CEP162: variants seen among roughly 807,000 people sequenced by gnomAD.
The protein encoded by CEP162 is centrosomal protein of 162 kDa.
Under a neutral mutation model 169.2 loss-of-function variants are expected in CEP162, and 141 were observed. The observed-to-expected ratio is 0.83, with a 90% CI of 0.73 to 0.96. CEP162 has a LOEUF of 0.96. Among genes scored for constraint, CEP162 ranks in the 40% least tolerant of loss-of-function variants. The probability of loss-of-function intolerance (pLI) is 0.00; values close to 1 mark genes in which losing one functional copy is unlikely to be tolerated. For missense variants in CEP162, 1,600 were observed against 1,587.2 expected (o/e 1.01, Z -0.14); for synonymous variants, 540 against 526.4 (o/e 1.03, Z -0.35).
At chr6:84,221,986 T>C (rs547615202) in intron 2 of CEP162, among the ~76,000 whole-genome samples, 1 of 151,306 alleles carries the variant, frequency 6.6e-6, no homozygotes, top group South Asian at 2.1e-4. Context: ...CAGCACTGCA[T>C]CTCCAGTGCC....
At position 84,125,225 on chromosome 6, in the gene CEP162, C is replaced by T. The variant is rs775673818; in HGVS notation, c.4057G>A (p.Glu1353Lys). ...AACTGTGCCAGTCTTTTCCATTTTT[C>T]AACTTCTTTGTTTTGCTCAGTTTCT... ...VVETEQNKEV[E>K]KWKRLAQLKN... The change falls in exon 27 of 27, where the codon GAA becomes AAA. Residue 1353 changes from glutamate (E) to lysine (K), a missense_variant. Transcript: ENST00000403245. 6.2e-7 allele frequency: 1 copy of T among 1,613,538 alleles called. No individual in the cohort carries two copies. Among genetic ancestry groups the T allele is most frequent in the Admixed American group, 1.7e-5 (1 of 59,918 alleles).
At chr6:84,140,368 A>G (rs1174520343) in intron 25 of CEP162, among the ~76,000 whole-genome samples, 2 of 150,928 alleles carry the variant, frequency 1.3e-5, no homozygotes, top group African/African-American at 4.9e-5. Flanking sequence ...TTGAAACACC[A>G]TTTTCACACA....
Position 84,215,291 on chromosome 6 carries a change from G to A in CEP162, c.494C>T (p.Ala165Val). ...TTACACTGTACTTTACCTATGTAAAGCTTTAAAATGTGTAGAGTCATTAGA... is the reference window on the plus strand; with the variant it reads ...TTACACTGTACTTTACCTATGTAAAACTTTAAAATGTGTAGAGTCATTAGA... ...LDSNDSTHFK[A>V]LHSNQANAEL... is the part of the protein sequence containing the mutation. Residue 165 changes from alanine (A) to valine (V), a missense_variant, in exon 5 of 27, where the codon GCT becomes GTT. Physicochemically the swap from Ala to Val is moderately conservative, Grantham distance 64. Transcript: ENST00000403245. 1.9e-6 allele frequency: 3 copies of A among 1,559,610 alleles called. No individual in the cohort carries two copies. Among genetic ancestry groups the A allele is most frequent in the Non-Finnish European group, 1.8e-6 (2 of 1,142,212 alleles).
chr6:84,216,542 G>A (rs1000958557), intron 3 of CEP162, among the ~76,000 whole-genome samples: 5 of 152,108 alleles, frequency 3.3e-5, no homozygotes, highest in African/African-American at 4.8e-5. Context: ...GGGTATTATA[G>A]TCTCTCACAG....
At chr6:84,208,836 C>T (rs1413508304) in intron 6 of CEP162, among the ~76,000 whole-genome samples, 8 of 152,202 alleles carry the variant, frequency 5.3e-5, no homozygotes, top group Non-Finnish European at 5.9e-5. Context: ...TAAGTAATTA[C>T]TTTGTATTAG....
rs538228397 is a variant in CEP162, at chr6:84,164,834, T to G, written c.2386-1564A>C. On this transcript the variant is annotated intron_variant, in intron 18 of 26. Coordinates refer to ENST00000403245, the MANE Select transcript of CEP162 (RefSeq NM_014895.4). Reference sequence around the variant, plus strand: ...CTATGTAACAAACCTGCCCATTCAGTACATGTATCCCAGAACTTAAAGTAA... The same window carrying G: ...CTATGTAACAAACCTGCCCATTCAGGACATGTATCCCAGAACTTAAAGTAA... 2.2e-4 allele frequency among the ~76,000 whole-genome samples: 34 copies of G among 152,080 alleles called. 2 individuals are homozygous for G. The South Asian group carries it at 5.8e-3, about 26-fold the overall frequency.
intron 25 of CEP162, among the ~76,000 whole-genome samples, chr6:84,140,147 G>T (rs1448768010): frequency 6.6e-6 from 1 of 152,184 alleles, no homozygotes; most frequent in African/African-American, 2.4e-5. Context: ...GGTGAACAGG[G>T]TGGGAACCCA....
intron 8 of CEP162, 114 bp downstream of exon 8, chr6:84,201,623 C>A: frequency 4.9e-6 from 3 of 606,244 alleles, no homozygotes; most frequent in South Asian, 2.0e-5. Context: ...AACTTCAATG[C>A]CTTAGAAATA....
chr6:84,171,790 T>A, intron 16 of CEP162, 72 bp from the exon 17 acceptor site: 1 of 519,830 alleles, frequency 1.9e-6, no homozygotes, highest in Non-Finnish European at 3.2e-6. Context: ...TATGTGCTCA[T>A]AATAGATTAA....
At chr6:84,206,662 A>AG (rs2099547251) in intron 6 of CEP162, among the ~76,000 whole-genome samples, 1 of 152,236 alleles carries the variant, frequency 6.6e-6, no homozygotes, top group East Asian at 1.9e-4. Flanking sequence ...AGGCATGGGC[A>AG]AGGACTTCAT....
chr6:84,161,663 C>A, intron 20 of CEP162, 83 bp downstream of exon 20: 1 of 946,458 alleles, frequency 1.1e-6, no homozygotes, highest in Non-Finnish European at 1.6e-6. Flanking sequence ...ATTAATGATG[C>A]AATGACAAAA....
intron 13 of CEP162, among the ~76,000 whole-genome samples, chr6:84,175,810 A>G (rs1357112053): frequency 6.6e-6 from 1 of 152,184 alleles, no homozygotes; most frequent in Non-Finnish European, 1.5e-5. Flanking sequence ...ATATCATGAT[A>G]TTATAGTATC....
Position 84,226,284 on chromosome 6 carries a change from A to T in CEP162, c.57+53T>A, listed in dbSNP as rs2099555723. ...ATCTTCGAGATGACAGAATTGAAGG[A>T]TGAGTCTTTTGAGACAAATTTGACA... is the stretch of plus-strand genomic sequence containing the variant. On this transcript the variant is annotated intron_variant, in intron 2 of 26. Transcript: ENST00000403245. 8.6e-6 allele frequency: 10 copies of T among 1,160,712 alleles called. No homozygotes were observed. In the East Asian group the frequency reaches 2.3e-4, roughly 27 times the overall value. 71.9% of individuals were successfully genotyped at this position (1,160,712 alleles called of 1,614,324 possible).
At chr6:84,171,801 T>G (rs2099530250) in intron 16 of CEP162, 83 bp from the exon 17 acceptor site, 2 of 469,816 alleles carry the variant, frequency 4.3e-6, no homozygotes, top group Non-Finnish European at 7.2e-6. Flanking sequence ...AATAGATTAA[T>G]CCTTTAAACG....
intron 2 of CEP162, among the ~76,000 whole-genome samples, chr6:84,223,111 T>C (rs1015855074): frequency 5.3e-5 from 8 of 152,182 alleles, no homozygotes; most frequent in Non-Finnish European, 8.8e-5. Context: ...AATGAAGACT[T>C]CTAATACATG....
rs1002479468 is a variant in CEP162 at position 84,227,580 on chromosome 6, C to T, written c.-60G>A. The T allele has an allele frequency of 6.6e-6, 1 of 152,290 alleles. No individual in the cohort carries two copies. The highest frequency in any genetic ancestry group is 2.4e-5 in the African/African-American group (1 of 41,452). 9.4% of individuals were successfully genotyped at this position (152,290 alleles called of 1,614,324 possible). On this transcript the variant is annotated splice_region_variant and 5_prime_UTR_variant, in exon 1 of 27. It adds an upstream start codon to the 5' untranslated region. Coordinates refer to ENST00000403245, the MANE Select transcript of CEP162 (RefSeq NM_014895.4). Reference sequence around the variant, plus strand: ...CCAGCGTTCACACCTTACCACCTACCTCTGCCTCTGAATTCCGCGCTTTCC... The same window carrying T: ...CCAGCGTTCACACCTTACCACCTACTTCTGCCTCTGAATTCCGCGCTTTCC...
At chr6:84,153,512 C>T (rs1447221455) in intron 22 of CEP162, among the ~76,000 whole-genome samples, 2 of 152,160 alleles carry the variant, frequency 1.3e-5, no homozygotes, top group Non-Finnish European at 2.9e-5. Flanking sequence ...TGCAAACTGT[C>T]AACACACTCT....
At chr6:84,155,153 TG>T in intron 22 of CEP162, 144 bp downstream of exon 22, 1 of 636,352 alleles carries the variant, frequency 1.6e-6, no homozygotes, top group Non-Finnish European at 2.7e-6. Context: ...AGGATGCACT[TG>T]GTTTCTTTTG....
At chr6:84,175,136 A>T in intron 14 of CEP162, 78 bp downstream of exon 14, 1 of 1,019,222 alleles carries the variant, frequency 9.8e-7, no homozygotes, top group Non-Finnish European at 1.4e-6. Flanking sequence ...AGTCCTTATT[A>T]TATTTTGTTA....
Sources: allele counts gnomAD v4.1 joint callset (sites outside exome capture counted in the v4.1 genomes callset), GRCh38; gene constraint gnomAD v4.1.1; transcripts MANE v1.5; gene names NCBI Gene and HGNC (gene_info 2026-07-23, HGNC 2026-07-21).